The following CFAP263 variants were observed in gnomAD, a reference collection of about 807,000 sequenced individuals.
CFAP263 encodes the protein cilia and flagella associated protein 263.
the CFAP263 span, among the ~76,000 whole-genome samples, chr16:58,269,283 A>T: frequency 6.6e-6 from 1 of 152,178 alleles, no homozygotes; most frequent in Non-Finnish European, 1.5e-5. Context: ...GTGAGCCAAG[A>T]TCGTGCCACT....
chr16:58,266,663 C>T, the CFAP263 span, among the ~76,000 whole-genome samples: 18 of 151,962 alleles, frequency 1.2e-4, no homozygotes, highest in East Asian at 3.9e-4. Flanking sequence ...CAAATCACTG[C>T]GTCTTTCCCT....
the CFAP263 span, among the ~76,000 whole-genome samples, chr16:58,267,926 G>A: frequency 5.3e-5 from 8 of 152,064 alleles, no homozygotes; most frequent in South Asian, 2.1e-4. Flanking sequence ...TTTAATGCCC[G>A]TAGTAATGTA....
chr16:58,253,860 C>T, the CFAP263 span: 1 of 849,456 alleles, frequency 1.2e-6, no homozygotes, highest in Admixed American at 2.4e-5. Flanking sequence ...ATCCAGCATC[C>T]TTTTACCATG....
chr16:58,251,968 AC>A, the CFAP263 span, among the ~76,000 whole-genome samples: 1 of 152,324 alleles, frequency 6.6e-6, no homozygotes, highest in African/African-American at 2.4e-5. Flanking sequence ...TTTATGATAA[AC>A]TTCTGGTTGA....
At chr16:58,252,374 A>T in the CFAP263 span, among the ~76,000 whole-genome samples, 1 of 151,348 alleles carries the variant, frequency 6.6e-6, no homozygotes, top group Non-Finnish European at 1.5e-5. Flanking sequence ...GTATATATAT[A>T]ATATATAGTA....
At chr16:58,278,607 G>A in the CFAP263 span, 1 of 1,614,222 alleles carries the variant, frequency 6.2e-7, no homozygotes, top group Non-Finnish European at 8.5e-7. Context: ...AGAGCATCAG[G>A]ATGTGGGAAA....
chr16:58,251,205 G>A, the CFAP263 span, among the ~76,000 whole-genome samples: 5 of 152,194 alleles, frequency 3.3e-5, no homozygotes, highest in Non-Finnish European at 7.3e-5. Flanking sequence ...TAGGAAGTGG[G>A]TAAGGAAACA....
chr16:58,273,117 T>C, the CFAP263 span, among the ~76,000 whole-genome samples: 3 of 152,218 alleles, frequency 2.0e-5, no homozygotes, highest in African/African-American at 7.2e-5. Context: ...ATTTTCTCTT[T>C]GCTTTGCCAT....
the CFAP263 span, among the ~76,000 whole-genome samples, chr16:58,268,632 A>G: frequency 6.6e-6 from 1 of 152,140 alleles, no homozygotes; most frequent in South Asian, 2.1e-4. Context: ...TTGTCATAAC[A>G]TGCACATCAT....
chr16:58,250,006 G>A, the CFAP263 span: 2 of 1,571,194 alleles, frequency 1.3e-6, no homozygotes, highest in Non-Finnish European at 8.7e-7. Context: ...GGGCCGCTTC[G>A]GCAGAGTGAT....
At chr16:58,273,514 A>G in the CFAP263 span, among the ~76,000 whole-genome samples, 2 of 152,206 alleles carry the variant, frequency 1.3e-5, no homozygotes, top group Non-Finnish European at 2.9e-5. Context: ...AAAAGATTCC[A>G]GATTTTCTAT....
chr16:58,267,996 AGAGAG>A, the CFAP263 span, among the ~76,000 whole-genome samples: 17 of 151,508 alleles, frequency 1.1e-4, no homozygotes, highest in East Asian at 3.1e-3. Context: ...GGAGAGACAG[AGAGAG>A]GAAAGAGAGA....
chr16:58,280,753 TC>T, the CFAP263 span: 3 of 1,599,602 alleles, frequency 1.9e-6, no homozygotes, highest in Non-Finnish European at 2.6e-6. Flanking sequence ...GCTTCCTGGG[TC>T]CCCCTGTGAT....
the CFAP263 span, chr16:58,262,619 A>T: frequency 1.3e-4 from 181 of 1,399,174 alleles, no homozygotes; most frequent in South Asian, 2.5e-3. Context: ...GTTCTTGTGC[A>T]TTCCAGTTTC....
chr16:58,269,145 C>G, the CFAP263 span, among the ~76,000 whole-genome samples: 1 of 152,014 alleles, frequency 6.6e-6, no homozygotes, highest in Non-Finnish European at 1.5e-5. Flanking sequence ...CCAGCCTGGC[C>G]AACATGGTGA....
At chr16:58,253,938 C>A in the CFAP263 span, 1 of 1,591,884 alleles carries the variant, frequency 6.3e-7, no homozygotes, top group Non-Finnish European at 8.6e-7. Context: ...TGATGCCTAT[C>A]TTGGGCTGGT....
the CFAP263 span, chr16:58,280,712 G>C: frequency 6.2e-7 from 1 of 1,613,764 alleles, no homozygotes. Context: ...AGAACCCACA[G>C]ATCGAACTGC....
At chr16:58,269,005 A>G in the CFAP263 span, among the ~76,000 whole-genome samples, 2 of 152,128 alleles carry the variant, frequency 1.3e-5, no homozygotes, top group East Asian at 3.9e-4. Context: ...GAACATTTTC[A>G]TCACCCCAGG....
At chr16:58,252,874 T>C in the CFAP263 span, 3 of 1,612,148 alleles carry the variant, frequency 1.9e-6, no homozygotes, top group Middle Eastern at 1.7e-4. Context: ...GAGATCTAGA[T>C]CATTCTTTTA....
Sources: gnomAD v4.1 joint callset for allele counts (sites outside exome capture counted in the v4.1 genomes callset) on GRCh38, gnomAD v4.1.1 for gene constraint, MANE v1.5 for transcripts, NCBI Gene and HGNC (gene_info 2026-07-23, HGNC 2026-07-21) for gene names.